BCKDHB: variants seen among roughly 807,000 people sequenced by gnomAD.
BCKDHB encodes branched chain keto acid dehydrogenase E1 subunit beta.
BCKDHB carries 41 observed loss-of-function variants against 48.5 expected under a neutral mutation model. The observed-to-expected ratio is 0.85, with a 90% CI of 0.66 to 1.10. The LOEUF (loss-of-function observed/expected upper bound fraction) is 1.10. Among genes scored for constraint, BCKDHB ranks in the 50% least tolerant of loss-of-function variants. The probability of loss-of-function intolerance (pLI) is 0.00; values close to 1 mark genes in which losing one functional copy is unlikely to be tolerated. For synonymous variants in BCKDHB, 201 were observed against 174.8 expected (o/e 1.15, Z -1.18); for missense variants, 496 against 494.2 (o/e 1.00, Z -0.03).
intron 8 of BCKDHB, among the ~76,000 whole-genome samples, chr6:80,242,269 C>T (rs1490505130): frequency 6.6e-6 from 1 of 152,060 alleles, no homozygotes; most frequent in Non-Finnish European, 1.5e-5. Context: ...ATTTTTGACC[C>T]TACACTCTGC....
At chr6:80,220,210 T>C (rs185473460) in intron 8 of BCKDHB, among the ~76,000 whole-genome samples, 23 of 151,926 alleles carry the variant, frequency 1.5e-4, no homozygotes, top group Non-Finnish European at 1.3e-4. Flanking sequence ...TTTGCATATT[T>C]CCTTTATTGT....
At chr6:80,206,639 C>G (rs1371895117) in intron 8 of BCKDHB, among the ~76,000 whole-genome samples, 1 of 151,638 alleles carries the variant, frequency 6.6e-6, no homozygotes, top group African/African-American at 2.4e-5. Context: ...AATAAGAACT[C>G]AATGAATAGG....
chr6:80,192,238 A>AT (rs1158157192), intron 6 of BCKDHB, among the ~76,000 whole-genome samples: 4 of 151,844 alleles, frequency 2.6e-5, no homozygotes, highest in African/African-American at 9.7e-5. Flanking sequence ...TTATTGAAAT[A>AT]TTTTTTTCTA....
chr6:80,263,278 G>A (rs187712807), intron 8 of BCKDHB, among the ~76,000 whole-genome samples: 1 of 152,192 alleles, frequency 6.6e-6, no homozygotes, highest in East Asian at 1.9e-4. Context: ...AGTAATCAAT[G>A]AATATGTTAC....
intron 9 of BCKDHB, among the ~76,000 whole-genome samples, chr6:80,292,331 C>T (rs958004654): frequency 1.3e-5 from 2 of 152,150 alleles, no homozygotes; most frequent in African/African-American, 4.8e-5. Flanking sequence ...CTCACAGTTC[C>T]ACATGGCTGG....
the BCKDHB span, chr6:80,443,360 A>G: frequency 6.6e-6 from 1 of 152,112 alleles, no homozygotes; most frequent in Non-Finnish European, 1.5e-5. Context: ...TTGTGTCTTG[A>G]TAAAGTAGGA....
chr6:80,317,074 T>C (rs887672909), intron 9 of BCKDHB, among the ~76,000 whole-genome samples: 2 of 152,234 alleles, frequency 1.3e-5, no homozygotes, highest in Non-Finnish European at 2.9e-5. Context: ...TTGGTTGAGC[T>C]GTCTGGATCA....
At position 80,201,020 on chromosome 6, in the gene BCKDHB, T is replaced by C. The variant is rs1468351013; in HGVS notation, c.829T>C (p.Trp277Arg). Residue 277 changes from tryptophan to arginine, a missense_variant, in exon 7 of 10, where the codon TGG becomes CGG. Physicochemically the swap from Trp to Arg is moderately radical, Grantham distance 101. Transcript: ENST00000320393. The part of the protein sequence containing the change: ...QEGSDVTLVA[W>R]GTQVHVIREV... Reference sequence around the variant, plus strand: ...AGGGAGTGATGTTACTCTAGTTGCCTGGGGCACTCAGGTGAGTAGCATTGA... The same window carrying C: ...AGGGAGTGATGTTACTCTAGTTGCCCGGGGCACTCAGGTGAGTAGCATTGA... 2 of 1,609,816 alleles carry C rather than the reference T, an allele frequency of 1.2e-6. No individual in the cohort carries two copies. Among genetic ancestry groups the C allele is most frequent in the Non-Finnish European group, 1.7e-6 (2 of 1,176,286 alleles).
intron 9 of BCKDHB, among the ~76,000 whole-genome samples, chr6:80,283,076 T>C (rs1277177532): frequency 6.6e-6 from 1 of 152,088 alleles, no homozygotes; most frequent in East Asian, 1.9e-4. Context: ...CCGCATAAGA[T>C]TTGGTTTTTC....
At chr6:80,411,358 C>A in the BCKDHB span, among the ~76,000 whole-genome samples, 1 of 152,168 alleles carries the variant, frequency 6.6e-6, no homozygotes, top group Non-Finnish European at 1.5e-5. Context: ...GGGGACCTGC[C>A]TGTATGAGGT....
rs147441751 is a variant in BCKDHB, at chr6:80,161,333, T to C, written c.344-6345T>C. On this transcript the variant is annotated intron_variant, in intron 3 of 9. Coordinates refer to ENST00000320393, the MANE Select transcript of BCKDHB (RefSeq NM_183050.4). Reference sequence around the variant, plus strand: ...TAAGCTGTGTGAAATTATTATCTTATGACATACACACTATTTAATATATTG... The same window carrying C: ...TAAGCTGTGTGAAATTATTATCTTACGACATACACACTATTTAATATATTG... 1.7e-3 allele frequency among the ~76,000 whole-genome samples: 263 copies of C among 152,308 alleles called. 1 individual carries two copies. Among genetic ancestry groups the C allele is most frequent in the African/African-American group, 6.0e-3 (249 of 41,558 alleles).
At chr6:80,327,208 T>A (rs1237197808) in intron 9 of BCKDHB, among the ~76,000 whole-genome samples, 1 of 152,194 alleles carries the variant, frequency 6.6e-6, no homozygotes, top group Non-Finnish European at 1.5e-5. Context: ...ACACCTAACC[T>A]GTAACTTAGC....
At chr6:80,341,002 A>G (rs1174952204) in intron 9 of BCKDHB, among the ~76,000 whole-genome samples, 1 of 152,236 alleles carries the variant, frequency 6.6e-6, no homozygotes, top group Non-Finnish European at 1.5e-5. Flanking sequence ...ATAAGTGTAA[A>G]GTGAAGTTCA....
chr6:80,179,055 C>A (rs1157356407), intron 6 of BCKDHB, among the ~76,000 whole-genome samples: 1 of 152,066 alleles, frequency 6.6e-6, no homozygotes, highest in African/African-American at 2.4e-5. Flanking sequence ...CAGGGTCTCC[C>A]TCTGTTACCC....
At chr6:80,325,592 CAT>C (rs1768993304) in intron 9 of BCKDHB, among the ~76,000 whole-genome samples, 1 of 152,174 alleles carries the variant, frequency 6.6e-6, no homozygotes, top group Non-Finnish European at 1.5e-5. Flanking sequence ...GTAAATGACA[CAT>C]GTTTGAGTTA....
At chr6:80,316,533 A>G (rs1459240502) in intron 9 of BCKDHB, among the ~76,000 whole-genome samples, 1 of 152,220 alleles carries the variant, frequency 6.6e-6, no homozygotes, top group Non-Finnish European at 1.5e-5. Context: ...ATTAGCAAAT[A>G]TGTTTATGAT....
intron 1 of BCKDHB, 22 bp from the exon 2 acceptor site, chr6:80,127,525 A>G: frequency 6.8e-7 from 1 of 1,474,704 alleles, no homozygotes. Context: ...ACACGAAATG[A>G]TTTTTTTTTT....
At chr6:80,216,099 C>T (rs1054527107) in intron 8 of BCKDHB, among the ~76,000 whole-genome samples, 4 of 152,136 alleles carry the variant, frequency 2.6e-5, no homozygotes, top group African/African-American at 7.2e-5. Context: ...AAAGTTAAAA[C>T]TACATATGTT....
chr6:80,265,709 C>G (rs1777487346), intron 8 of BCKDHB, among the ~76,000 whole-genome samples: 1 of 152,034 alleles, frequency 6.6e-6, no homozygotes, highest in Admixed American at 6.6e-5. Flanking sequence ...ACAAAACTAT[C>G]TTTATGGAAT....
Sources: allele counts gnomAD v4.1 joint callset (sites outside exome capture counted in the v4.1 genomes callset), GRCh38; gene constraint gnomAD v4.1.1; transcripts MANE v1.5; gene names NCBI Gene and HGNC (gene_info 2026-07-23, HGNC 2026-07-21).